Variants in GBA1 observed in about 807,000 individuals in gnomAD.
GBA1 encodes glucosylceramidase beta 1, also known as lysosomal acid glucosylceramidase.
chr1:155,238,059 T>C, the GBA1 span: 4 of 1,488,072 alleles, frequency 2.7e-6, no homozygotes, highest in Admixed American at 5.0e-5. Context: ...TGGAACTAGG[T>C]TGAGGGTTGG....
chr1:155,236,589 GA>G, the GBA1 span: 3 of 842,308 alleles, frequency 3.6e-6, no homozygotes, highest in African/African-American at 3.4e-5. Flanking sequence ...GGTTTGGGGA[GA>G]TTTTTTTTTG....
chr1:155,235,972 T>G, the GBA1 span: 1 of 1,058,752 alleles, frequency 9.4e-7, no homozygotes, highest in African/African-American at 1.6e-5. Flanking sequence ...CATTCCTTAG[T>G]AGCTAAGGAG....
the GBA1 span, chr1:155,240,684 T>C: frequency 6.2e-7 from 1 of 1,613,762 alleles, no homozygotes. Flanking sequence ...CTGCCAGCCA[T>C]GATGCTTACC....
the GBA1 span, chr1:155,235,404 C>T: frequency 6.4e-7 from 1 of 1,560,526 alleles, no homozygotes; most frequent in Non-Finnish European, 8.7e-7. Flanking sequence ...CACCCCATAA[C>T]TCCTGCAGAG....
chr1:155,241,627 GC>G, the GBA1 span, among the ~76,000 whole-genome samples: 1 of 152,164 alleles, frequency 6.6e-6, no homozygotes, highest in African/African-American at 2.4e-5. Context: ...GGTGTGTGAG[GC>G]ATGGAAGTCA....
chr1:155,237,596 A>C, the GBA1 span: 50 of 1,613,012 alleles, frequency 3.1e-5, no homozygotes, highest in East Asian at 1.1e-3. Flanking sequence ...GAGAAAGGTC[A>C]TGAATGATCC....
chr1:155,236,590 A>AT, the GBA1 span: 112 of 827,362 alleles, frequency 1.4e-4, no homozygotes, highest in Non-Finnish European at 1.7e-4. Flanking sequence ...GTTTGGGGAG[A>AT]TTTTTTTTTG....
the GBA1 span, chr1:155,236,516 G>T: frequency 2.8e-6 from 4 of 1,439,648 alleles, no homozygotes; most frequent in Admixed American, 3.5e-5. Context: ...ACAGGCTTCT[G>T]GAACTTCTAG....
chr1:155,242,935 G>C, the GBA1 span, among the ~76,000 whole-genome samples: 3 of 152,146 alleles, frequency 2.0e-5, no homozygotes, highest in African/African-American at 7.2e-5. Context: ...AGCAAGTTTG[G>C]AATCCTGGCT....
chr1:155,239,796 A>G, the GBA1 span: 1 of 1,614,032 alleles, frequency 6.2e-7, no homozygotes, highest in Non-Finnish European at 8.5e-7. Context: ...GGGTATCAGT[A>G]CCCAGCGGGA....
chr1:155,237,073 G>A, the GBA1 span, among the ~76,000 whole-genome samples: 5 of 151,552 alleles, frequency 3.3e-5, no homozygotes, highest in South Asian at 2.1e-4. Context: ...GTTTCAACAC[G>A]TTGGCCAGGG....
the GBA1 span, chr1:155,238,209 G>T: frequency 1.2e-6 from 2 of 1,614,102 alleles, no homozygotes; most frequent in Non-Finnish European, 1.7e-6. Context: ...CCCATTCACC[G>T]CTCCATTGGT....
the GBA1 span, chr1:155,240,575 C>G: frequency 7.3e-6 from 10 of 1,361,604 alleles, no homozygotes. Context: ...TACCAAAGGA[C>G]TATGAGGCAG....
chr1:155,236,974 C>G, the GBA1 span, among the ~76,000 whole-genome samples: 1 of 152,112 alleles, frequency 6.6e-6, no homozygotes, highest in Non-Finnish European at 1.5e-5. Flanking sequence ...AACTGATTCT[C>G]CCTTCTCAGC....
chr1:155,241,177 T>G, the GBA1 span: 1 of 1,520,312 alleles, frequency 6.6e-7, no homozygotes, highest in Non-Finnish European at 9.1e-7. Flanking sequence ...GGATAGAGGA[T>G]CCACTAAACA....
At chr1:155,235,792 G>C in the GBA1 span, 4 of 1,614,238 alleles carry the variant, frequency 2.5e-6, no homozygotes, top group Non-Finnish European at 3.4e-6. Flanking sequence ...TCCTCCTTCG[G>C]GGTTCAGGGC....
the GBA1 span, chr1:155,238,788 G>A: frequency 1.4e-6 from 2 of 1,398,550 alleles, no homozygotes; most frequent in South Asian, 1.2e-5. Context: ...ACCTGTGGAG[G>A]CTGGCACCTG....
chr1:155,235,723 G>C, the GBA1 span: 1 of 1,613,398 alleles, frequency 6.2e-7, no homozygotes, highest in East Asian at 2.2e-5. Flanking sequence ...TTTGTAAAAC[G>C]TGTCCTTGGT....
At chr1:155,238,822 C>G in the GBA1 span, 1 of 704,300 alleles carries the variant, frequency 1.4e-6, no homozygotes, top group Non-Finnish European at 2.5e-6. Flanking sequence ...CCTTTCTGAG[C>G]CTGAGTCCGT....
Sources: gnomAD v4.1 joint callset for allele counts (sites outside exome capture counted in the v4.1 genomes callset) on GRCh38, gnomAD v4.1.1 for gene constraint, MANE v1.5 for transcripts, NCBI Gene and HGNC (gene_info 2026-07-23, HGNC 2026-07-21) for gene names.